GMDS: variants seen among roughly 807,000 people sequenced by gnomAD.
GMDS encodes GDP-mannose 4,6-dehydratase.
GMDS carries 20 observed loss-of-function variants against 49.9 expected under a neutral mutation model. The observed-to-expected ratio is 0.40, with a 90% confidence interval of 0.28 to 0.58. The LOEUF is 0.58. Ranked by LOEUF, GMDS falls within the 20% of genes least tolerant of loss-of-function variation. GMDS has a pLI of 0.42. For missense variants in GMDS, 362 were observed against 481.4 expected (o/e 0.75, Z 2.32); for synonymous variants, 177 against 178.6 (o/e 0.99, Z 0.07).
At chr6:1,742,383 G>T in intron 8 of GMDS, 85 bp downstream of exon 8, 1 of 746,442 alleles carries the variant, frequency 1.3e-6, no homozygotes, top group Middle Eastern at 2.4e-4. Context: ...GAAGGGGGAA[G>T]ATGACAGCCA....
chr6:1,667,384 A>G (rs1764268033), intron 9 of GMDS, among the ~76,000 whole-genome samples: 1 of 152,226 alleles, frequency 6.6e-6, no homozygotes, highest in Non-Finnish European at 1.5e-5. Context: ...GTGGTTGATG[A>G]GACCAGCTAA....
At chr6:1,805,988 A>G (rs527846182) in intron 7 of GMDS, among the ~76,000 whole-genome samples, 34 of 152,318 alleles carry the variant, frequency 2.2e-4, no homozygotes, top group Non-Finnish European at 5.9e-5. Flanking sequence ...ATATAAAAAT[A>G]TATGTGGGTT....
intron 1 of GMDS, among the ~76,000 whole-genome samples, chr6:2,168,827 T>C (rs1262639874): frequency 2.6e-5 from 4 of 152,218 alleles, no homozygotes; most frequent in Admixed American, 2.0e-4. Flanking sequence ...CTTCTGAATA[T>C]TTAGAATAAA....
chr6:1,861,025 C>T (rs1758157857), intron 7 of GMDS, among the ~76,000 whole-genome samples: 1 of 152,218 alleles, frequency 6.6e-6, no homozygotes, highest in Non-Finnish European at 1.5e-5. Flanking sequence ...CACGCTTCTC[C>T]ATTCAAGAAC....
chr6:1,924,661 ACT>A (rs879574890), intron 7 of GMDS, among the ~76,000 whole-genome samples: 1 of 152,238 alleles, frequency 6.6e-6, no homozygotes, highest in African/African-American at 2.4e-5. Context: ...CATGGCAGGA[ACT>A]CAATAGAATA....
intron 7 of GMDS, among the ~76,000 whole-genome samples, chr6:1,827,374 C>CGT (rs1771173068): frequency 7.0e-6 from 1 of 143,216 alleles, no homozygotes; most frequent in African/African-American, 2.6e-5. Flanking sequence ...TATATACACA[C>CGT]GTTTTGGAAA....
chr6:1,886,798 G>C (rs1230622573), intron 7 of GMDS, among the ~76,000 whole-genome samples: 1 of 152,106 alleles, frequency 6.6e-6, no homozygotes, highest in Non-Finnish European at 1.5e-5. Flanking sequence ...GCAGCTCCAG[G>C]CTTTAATTTG....
chr6:1,666,408 T>G (rs1463327050), intron 9 of GMDS, among the ~76,000 whole-genome samples: 1 of 152,180 alleles, frequency 6.6e-6, no homozygotes, highest in Non-Finnish European at 1.5e-5. Flanking sequence ...AAGTGCTAAG[T>G]GTACAGCCCT....
At chr6:2,040,300 T>G (rs1449013283) in intron 4 of GMDS, among the ~76,000 whole-genome samples, 3 of 152,234 alleles carry the variant, frequency 2.0e-5, no homozygotes, top group African/African-American at 7.2e-5. Flanking sequence ...TCATCAATGT[T>G]GATCAGCACC....
chr6:2,242,291 G>A (rs537378927), intron 1 of GMDS, among the ~76,000 whole-genome samples: 4 of 152,354 alleles, frequency 2.6e-5, no homozygotes, highest in Middle Eastern at 3.4e-3. Context: ...AGCATCATTA[G>A]CCAATGGGGG....
chr6:2,135,271 C>T (rs59665671), intron 1 of GMDS, among the ~76,000 whole-genome samples: 23,751 of 152,102 alleles, frequency 0.16, 4,227 homozygotes, highest in African/African-American at 0.43. Context: ...AATCCACTAT[C>T]AAAAGCCATT....
At chr6:1,905,683 CAAAGGTA>C (rs1760732385) in intron 7 of GMDS, among the ~76,000 whole-genome samples, 1 of 134,546 alleles carries the variant, frequency 7.4e-6, no homozygotes, top group Non-Finnish European at 1.6e-5. Context: ...GGTGGGGCCT[CAAAGGTA>C]CCTGTGCATC....
intron 4 of GMDS, among the ~76,000 whole-genome samples, chr6:2,060,880 C>T (rs1457418755): frequency 2.0e-5 from 3 of 151,964 alleles, no homozygotes; most frequent in African/African-American, 7.3e-5. Flanking sequence ...ATTAGCCGGG[C>T]GTAGTGGCAG....
At chr6:1,952,534 A>C (rs1763402699) in intron 6 of GMDS, among the ~76,000 whole-genome samples, 1 of 152,146 alleles carries the variant, frequency 6.6e-6, no homozygotes, top group Non-Finnish European at 1.5e-5. Context: ...TTCGTGACTC[A>C]GAATGAAATA....
intron 3 of GMDS, among the ~76,000 whole-genome samples, chr6:2,116,895 C>T (rs1244173471): frequency 2.6e-5 from 4 of 152,126 alleles, no homozygotes; most frequent in African/African-American, 9.7e-5. Flanking sequence ...TCTCCCTATC[C>T]ACCTCAGGAG....
At chr6:2,088,104 A>T (rs2127473828) in intron 4 of GMDS, among the ~76,000 whole-genome samples, 1 of 149,734 alleles carries the variant, frequency 6.7e-6, no homozygotes, top group South Asian at 2.1e-4. Flanking sequence ...GAGATGTAGA[A>T]AGTAAAAAAA....
At chr6:1,697,602 A>G (rs774002701) in intron 9 of GMDS, among the ~76,000 whole-genome samples, 12 of 152,264 alleles carry the variant, frequency 7.9e-5, no homozygotes, top group Non-Finnish European at 1.6e-4. Context: ...CCAGGCCAGC[A>G]GCATCAGCGT....
At chr6:2,025,093 T>C (rs1768503892) in intron 4 of GMDS, among the ~76,000 whole-genome samples, 1 of 152,040 alleles carries the variant, frequency 6.6e-6, no homozygotes, top group Admixed American at 6.6e-5. Context: ...TGATACTTTG[T>C]AGGAATATTA....
intron 1 of GMDS, among the ~76,000 whole-genome samples, chr6:2,187,281 T>C (rs1321922155): frequency 6.6e-6 from 1 of 152,184 alleles, no homozygotes; most frequent in Admixed American, 6.5e-5. Context: ...TGGTCTGGGA[T>C]GAAGTCACAG....
Sources: gnomAD v4.1 joint callset for allele counts (sites outside exome capture counted in the v4.1 genomes callset) on GRCh38, gnomAD v4.1.1 for gene constraint, MANE v1.5 for transcripts, NCBI Gene and HGNC (gene_info 2026-07-23, HGNC 2026-07-21) for gene names.